The following NRK variants were observed in gnomAD, a reference collection of about 807,000 sequenced individuals.
NRK encodes the protein Nik related kinase, also known as nik-related protein kinase.
In NRK, 67 loss-of-function variants were observed where a neutral mutation model predicts 125.2. That is an observed-to-expected ratio of 0.54 (90% CI 0.44 to 0.66). The LOEUF (loss-of-function observed/expected upper bound fraction) is 0.66, where lower values mean the gene tolerates loss of function less well. Ranked by LOEUF, NRK falls within the 30% of genes least tolerant of loss-of-function variation. The pLI is 0.00. For synonymous variants in NRK, 458 were observed against 429.0 expected (o/e 1.07, Z -0.84); for missense variants, 1,224 against 1,192.9 (o/e 1.03, Z -0.38).
At chrX:105,911,543 C>T (rs1198839691) in intron 13 of NRK, among the ~76,000 whole-genome samples, 1 of 111,107 alleles carries the variant, frequency 9.0e-6, no homozygotes, top group Non-Finnish European at 1.9e-5. Flanking sequence ...TAAACAAATG[C>T]TAATTTGTTG....
At position 105,909,854 on chromosome X, in the gene NRK, A is replaced by G. The variant is rs1337099392; in HGVS notation, c.2213A>G (p.His738Arg). ...AGATGGGAAGATATCTTTAATCAGCATGAGGAAGAATTGAGACAAGTTGAT... is the reference window on the plus strand; with the variant it reads ...AGATGGGAAGATATCTTTAATCAGCGTGAGGAAGAATTGAGACAAGTTGAT... ...QRRWEDIFNQ[H>R]EEELRQVDKD... Residue 738 changes from histidine to arginine, a missense_variant, in exon 13 of 29, where the codon CAT becomes CGT. Physicochemically the swap from His to Arg is conservative, Grantham distance 29. Coordinates refer to ENST00000243300, the MANE Select transcript of NRK (RefSeq NM_198465.4). 4.4e-6 allele frequency: 5 copies of G among 1,142,138 alleles called. No homozygotes were observed. The East Asian group carries it at 9.5e-5, about 22-fold the overall frequency. 94.1% of individuals were successfully genotyped at this position (1,142,138 alleles called of 1,213,427 possible). A position where few individuals can be genotyped will look rare whatever the true frequency, so the allele number is the denominator to read the frequency against.
chrX:105,931,716 ACT>A (rs2040597262), intron 19 of NRK, among the ~76,000 whole-genome samples: 1 of 110,893 alleles, frequency 9.0e-6, no homozygotes, highest in Admixed American at 9.6e-5. Flanking sequence ...CACCAGTTGA[ACT>A]CTGTTTATTC....
chrX:105,832,730 C>G (rs2039210615), intron 2 of NRK, among the ~76,000 whole-genome samples: 1 of 111,248 alleles, frequency 9.0e-6, no homozygotes, highest in African/African-American at 3.3e-5. Flanking sequence ...CTTTGCACAA[C>G]AGCTCCTATA....
At chrX:105,877,973 A>G (rs1353516446) in intron 2 of NRK, among the ~76,000 whole-genome samples, 4 of 111,244 alleles carry the variant, frequency 3.6e-5, no homozygotes, top group African/African-American at 6.5e-5. Flanking sequence ...CATCAGTTAA[A>G]TAATGTATGG....
chrX:105,822,955 G>A, intron 1 of NRK, 53 bp downstream of exon 1: 1 of 1,030,758 alleles, frequency 9.7e-7, no homozygotes, highest in East Asian at 3.4e-5. Context: ...GGCGGGTTCT[G>A]CGTACCAGAG....
chrX:105,848,934 A>G lies in NRK; in HGVS notation c.123+17815A>G, dbSNP rs746701410. 5.4e-5 allele frequency among the ~76,000 whole-genome samples: 6 copies of G among 111,885 alleles called. No homozygotes were observed. The South Asian group carries it at 1.9e-3, about 35-fold the overall frequency. On this transcript the variant is annotated intron_variant, in intron 2 of 28. Coordinates refer to ENST00000243300, the MANE Select transcript of NRK (RefSeq NM_198465.4). ...TTTATTATTATGTAAAATTTTGATA[A>G]TTTGTCCCTGGTATATTAGATGGTG...
chrX:105,868,973 A>AAC (rs913570066), intron 2 of NRK, among the ~76,000 whole-genome samples: 7 of 110,386 alleles, frequency 6.3e-5, no homozygotes, highest in East Asian at 5.8e-4. Context: ...AATTAAAAAA[A>AAC]ACACACACAC....
chrX:105,891,217 C>T (rs754322429), intron 5 of NRK, among the ~76,000 whole-genome samples: 2 of 111,565 alleles, frequency 1.8e-5, no homozygotes, highest in South Asian at 3.7e-4. Context: ...ATCACAAATT[C>T]TAGATCAATA....
Position 105,880,273 on chromosome X carries a change from C to T in NRK, c.180+18C>T. 1.2e-6 allele frequency: 1 copy of T among 867,475 alleles called. No individual in the cohort carries two copies. The highest frequency in any genetic ancestry group is 1.6e-6 in the Non-Finnish European group (1 of 631,899). 71.5% of individuals were successfully genotyped at this position (867,475 alleles called of 1,213,427 possible). A position where few individuals can be genotyped will look rare whatever the true frequency, so the allele number is the denominator to read the frequency against. ...CTCGTAAGGTAATATTATAAATTGC[C>T]TGTATTCTCTTCCCTTAGTGGACTG... is the stretch of plus-strand genomic sequence containing the variant. On this transcript the variant is annotated intron_variant, in intron 3 of 28. Coordinates refer to ENST00000243300, the MANE Select transcript of NRK (RefSeq NM_198465.4).
chrX:105,846,149 A>G (rs983949875), intron 2 of NRK, among the ~76,000 whole-genome samples: 13 of 111,801 alleles, frequency 1.2e-4, no homozygotes, highest in Non-Finnish European at 2.1e-4. Context: ...AATCAATGAT[A>G]TTAATTTTTT....
intron 24 of NRK, 28 bp downstream of exon 24, chrX:105,944,069 A>G (rs1402871337): frequency 4.9e-6 from 4 of 810,177 alleles, no homozygotes; most frequent in Non-Finnish European, 7.2e-6. Context: ...TCTTTGGATT[A>G]TATGATTTTT....
At chrX:105,943,209 T>C (rs1174895715) in intron 23 of NRK, among the ~76,000 whole-genome samples, 1 of 111,981 alleles carries the variant, frequency 8.9e-6, no homozygotes, top group Non-Finnish European at 1.9e-5. Flanking sequence ...GTTAATTTTG[T>C]ATATGGTGTG....
chrX:105,921,576 A>G (rs888258514), intron 16 of NRK, among the ~76,000 whole-genome samples: 2 of 108,892 alleles, frequency 1.8e-5, no homozygotes, highest in Admixed American at 9.8e-5. Context: ...TTTTTTTTCT[A>G]CTGGTCAGTA....
chrX:105,951,235 G>T (rs966714900), intron 27 of NRK, among the ~76,000 whole-genome samples: 13 of 110,856 alleles, frequency 1.2e-4, no homozygotes, highest in Non-Finnish European at 1.1e-4. Flanking sequence ...AATCAGAAAT[G>T]GTTATAAGGA....
intron 22 of NRK, 129 bp downstream of exon 22, chrX:105,937,711 C>T (rs534943708): frequency 3.6e-5 from 14 of 388,975 alleles, no homozygotes; most frequent in African/African-American, 7.7e-5. Context: ...ATTGGGACAC[C>T]AGACTTTCCT....
intron 2 of NRK, among the ~76,000 whole-genome samples, chrX:105,864,418 T>C (rs2039643915): frequency 9.0e-6 from 1 of 111,012 alleles, no homozygotes; most frequent in Admixed American, 9.7e-5. Flanking sequence ...TCTTTTAAAA[T>C]AAAAAAAATT....
At chrX:105,826,917 G>A (rs1049218123) in intron 1 of NRK, among the ~76,000 whole-genome samples, 5 of 111,322 alleles carry the variant, frequency 4.5e-5, no homozygotes, top group African/African-American at 1.6e-4. Context: ...CCAGTTTCTA[G>A]AGCAATGGTT....
At chrX:105,900,720 G>C in intron 9 of NRK, 48 bp downstream of exon 9, 1 of 759,441 alleles carries the variant, frequency 1.3e-6, no homozygotes, top group Non-Finnish European at 2.0e-6. Context: ...GAAATGTACT[G>C]TACAAATCAT....
At chrX:105,853,219 C>A (rs1406778824) in intron 2 of NRK, among the ~76,000 whole-genome samples, 2 of 111,851 alleles carry the variant, frequency 1.8e-5, no homozygotes, top group Non-Finnish European at 3.8e-5. Flanking sequence ...AATGCAAATT[C>A]TTGGGAGCCA....
Sources: gnomAD v4.1 joint callset for allele counts (sites outside exome capture counted in the v4.1 genomes callset) on GRCh38, gnomAD v4.1.1 for gene constraint, MANE v1.5 for transcripts, NCBI Gene and HGNC (gene_info 2026-07-23, HGNC 2026-07-21) for gene names.